Variants in PLD5 observed in about 807,000 individuals in gnomAD.
PLD5 encodes phospholipase D family member 5, also known as inactive phospholipase D5.
PLD5 carries 36 observed loss-of-function variants against 61.1 expected under a neutral mutation model. That is an observed-to-expected ratio of 0.59 (90% CI 0.45 to 0.78). PLD5 has a LOEUF of 0.78. Ranked by LOEUF, PLD5 falls within the 30% of genes least tolerant of loss-of-function variation. The pLI, the probability that PLD5 is intolerant of heterozygous loss-of-function variation, is 0.00. For missense variants in PLD5, 515 were observed against 644.4 expected (o/e 0.80, Z 2.17); for synonymous variants, 243 against 242.8 (o/e 1.00, Z -0.01).
chr1:242,248,571 T>C (rs56328111), intron 4 of PLD5, among the ~76,000 whole-genome samples: 12,689 of 151,922 alleles, frequency 0.084, 661 homozygotes, highest in East Asian at 0.16. Flanking sequence ...CAGCCTAGTC[T>C]GTCACCCTTT....
intron 5 of PLD5, among the ~76,000 whole-genome samples, chr1:242,205,927 C>A (rs762928206): frequency 2.6e-5 from 4 of 152,130 alleles, no homozygotes; most frequent in Non-Finnish European, 5.9e-5. Context: ...GCACTAGCAC[C>A]CTTTCTCCTT....
chr1:242,105,354 G>A (rs1271168194), intron 8 of PLD5, among the ~76,000 whole-genome samples: 1 of 151,948 alleles, frequency 6.6e-6, no homozygotes, highest in Non-Finnish European at 1.5e-5. Context: ...CTCCCAAGTA[G>A]CTAGGATTAC....
At position 242,256,908 on chromosome 1, in the gene PLD5, CA is replaced by C. The variant is rs1673079425; in HGVS notation, c.607+8428del. Among the ~76,000 whole-genome samples, 1 of 149,612 alleles carries C rather than the reference CA, an allele frequency of 6.7e-6. No homozygotes were observed. The highest frequency in any genetic ancestry group is 2.5e-5 in the African/African-American group (1 of 40,526). On this transcript the variant is annotated intron_variant, in intron 4 of 9. Transcript: ENST00000536534. The surrounding 1 kb of genome is among the most constrained non-coding windows in gnomAD (Gnocchi z 5.7). Reference sequence around the variant, plus strand: ...TCCCTCTTCTTTCTCTTTCTTTTTTCATCTATCTATCTATCTATCTATCTAA... The same window carrying C: ...TCCCTCTTCTTTCTCTTTCTTTTTTCTCTATCTATCTATCTATCTATCTAA...
intron 2 of PLD5, among the ~76,000 whole-genome samples, chr1:242,305,811 C>T (rs998841286): frequency 3.3e-5 from 5 of 152,292 alleles, no homozygotes; most frequent in East Asian, 1.9e-4. Context: ...CCGCCCGCCT[C>T]GGCCTTCCAA....
chr1:242,526,017 T>C (rs562010920), upstream of PLD5, among the ~76,000 whole-genome samples: 1 of 152,318 alleles, frequency 6.6e-6, no homozygotes, highest in South Asian at 2.1e-4. Context: ...CATGTTATCC[T>C]GCAAGATAAA....
chr1:242,387,896 A>G (rs1298274253), intron 1 of PLD5, among the ~76,000 whole-genome samples: 1 of 152,134 alleles, frequency 6.6e-6, no homozygotes, highest in Non-Finnish European at 1.5e-5. Flanking sequence ...AGAGACTGAA[A>G]AGGTAAGGTT....
chr1:242,487,346 A>C (rs1277732488), intron 1 of PLD5, among the ~76,000 whole-genome samples: 1 of 152,198 alleles, frequency 6.6e-6, no homozygotes, highest in African/African-American at 2.4e-5. Context: ...AACAAATATA[A>C]AGGAGGAATT....
intron 1 of PLD5, among the ~76,000 whole-genome samples, chr1:242,379,628 A>T (rs1424035781): frequency 1.3e-5 from 2 of 152,192 alleles, no homozygotes; most frequent in Non-Finnish European, 2.9e-5. Flanking sequence ...TTAAAAAAAA[A>T]AACTTTGAGT....
intron 4 of PLD5, among the ~76,000 whole-genome samples, chr1:242,225,831 C>T (rs186786372): frequency 5.3e-5 from 8 of 152,314 alleles, no homozygotes; most frequent in South Asian, 4.1e-4. Flanking sequence ...ATAAAGCTGC[C>T]GCAAACACTC....
intron 1 of PLD5, among the ~76,000 whole-genome samples, chr1:242,411,982 C>G (rs1430967303): frequency 6.6e-6 from 1 of 151,916 alleles, no homozygotes; most frequent in Non-Finnish European, 1.5e-5. Flanking sequence ...CCAATGGGTA[C>G]ATACTGTGAG....
chr1:242,348,739 T>C (rs1265158793), intron 1 of PLD5, among the ~76,000 whole-genome samples: 1 of 152,126 alleles, frequency 6.6e-6, no homozygotes, highest in Non-Finnish European at 1.5e-5. Flanking sequence ...CTTGGTTTTA[T>C]ACATTTTAGG....
chr1:242,134,696 G>A (rs1028575983), intron 5 of PLD5, among the ~76,000 whole-genome samples: 3 of 152,120 alleles, frequency 2.0e-5, no homozygotes. Flanking sequence ...AGCATTGCTC[G>A]CTGGACTTCT....
At chr1:242,338,241 C>T (rs1162606549) in intron 2 of PLD5, among the ~76,000 whole-genome samples, 1 of 152,108 alleles carries the variant, frequency 6.6e-6, no homozygotes, top group African/African-American at 2.4e-5. Flanking sequence ...CCAGTTTTCT[C>T]TTTATTTTTC....
chr1:242,426,990 G>A (rs571156926), intron 1 of PLD5, among the ~76,000 whole-genome samples: 1 of 152,242 alleles, frequency 6.6e-6, no homozygotes, highest in Non-Finnish European at 1.5e-5. Flanking sequence ...AAGCACCTTG[G>A]AAGCAACACA....
intron 9 of PLD5, among the ~76,000 whole-genome samples, chr1:242,096,617 C>A (rs1173709868): frequency 6.6e-6 from 1 of 151,832 alleles, no homozygotes; most frequent in Admixed American, 6.6e-5. Flanking sequence ...GCTGGGATTA[C>A]AAGGGTGAGC....
At chr1:242,293,592 TG>T (rs1383936325) in intron 2 of PLD5, among the ~76,000 whole-genome samples, 1 of 152,168 alleles carries the variant, frequency 6.6e-6, no homozygotes, top group Admixed American at 6.5e-5. Flanking sequence ...CCACGCCCAC[TG>T]GGGGTCTTAG....
intron 5 of PLD5, among the ~76,000 whole-genome samples, chr1:242,179,733 T>C (rs1391480750): frequency 6.6e-6 from 1 of 152,122 alleles, no homozygotes; most frequent in Non-Finnish European, 1.5e-5. Context: ...TGAAACCCCA[T>C]CTCTACTAAA....
At chr1:242,189,486 C>CCA (rs1558322407) in intron 5 of PLD5, among the ~76,000 whole-genome samples, 1 of 150,930 alleles carries the variant, frequency 6.6e-6, no homozygotes, top group Non-Finnish European at 1.5e-5. Flanking sequence ...AGAGCTCTGT[C>CCA]CACACTGGGC....
intron 5 of PLD5, among the ~76,000 whole-genome samples, chr1:242,140,140 T>C (rs1270030451): frequency 1.3e-5 from 2 of 152,170 alleles, no homozygotes; most frequent in African/African-American, 4.8e-5. Flanking sequence ...GGACCAATGT[T>C]TGACTCCTGC....
Sources: allele counts gnomAD v4.1 joint callset (sites outside exome capture counted in the v4.1 genomes callset), GRCh38; gene constraint gnomAD v4.1.1; non-coding constraint Gnocchi (gnomAD v3.1); transcripts MANE v1.5; gene names NCBI Gene and HGNC (gene_info 2026-07-23, HGNC 2026-07-21).